XPNPEP1: variants seen among roughly 807,000 people sequenced by gnomAD.
The protein encoded by XPNPEP1 is xaa-Pro aminopeptidase 1.
Under a neutral mutation model 92.4 loss-of-function variants are expected in XPNPEP1, and 39 were observed. The observed-to-expected ratio is 0.42, with a 90% CI of 0.33 to 0.55. The LOEUF is 0.55. Among genes scored for constraint, XPNPEP1 ranks in the 20% least tolerant of loss-of-function variants. The pLI is 0.08. For missense variants in XPNPEP1, 654 were observed against 856.1 expected, an observed-to-expected ratio of 0.76 and a Z score of 2.95; for synonymous variants, 307 against 299.4, an observed-to-expected ratio of 1.03 and a Z score of -0.26.
At chr10:109,915,385 A>G (rs1159687522) in intron 1 of XPNPEP1, among the ~76,000 whole-genome samples, 2 of 152,148 alleles carry the variant, frequency 1.3e-5, no homozygotes, top group Non-Finnish European at 2.9e-5. Flanking sequence ...TTTTCCTTAC[A>G]CAAGTTCTAT....
chr10:109,899,922 C>T (rs764834061), intron 3 of XPNPEP1, among the ~76,000 whole-genome samples: 1 of 152,202 alleles, frequency 6.6e-6, no homozygotes, highest in Non-Finnish European at 1.5e-5. Context: ...CCACGAATCC[C>T]AATATACGAC....
At chr10:109,872,846 G>A (rs1283018980) in intron 16 of XPNPEP1, among the ~76,000 whole-genome samples, 1 of 152,172 alleles carries the variant, frequency 6.6e-6, no homozygotes, top group Non-Finnish European at 1.5e-5. Context: ...GCTAGTAAAT[G>A]GCACAGAAGC....
intron 17 of XPNPEP1, among the ~76,000 whole-genome samples, chr10:109,871,288 T>C (rs1564745598): frequency 6.6e-6 from 1 of 152,064 alleles, no homozygotes; most frequent in Non-Finnish European, 1.5e-5. Context: ...CCTAGGGAGA[T>C]GAGTACATGT....
intron 6 of XPNPEP1, 111 bp downstream of exon 6, chr10:109,888,392 C>T: frequency 7.9e-7 from 1 of 1,268,992 alleles, no homozygotes; most frequent in Non-Finnish European, 1.1e-6. Flanking sequence ...ACTATAAAAT[C>T]AGTCATGCTG....
chr10:109,913,163 C>G (rs758943628), intron 2 of XPNPEP1, among the ~76,000 whole-genome samples: 1 of 152,242 alleles, frequency 6.6e-6, no homozygotes, highest in Non-Finnish European at 1.5e-5. Context: ...CTTGCATATA[C>G]AGGTCTGCTT....
At chr10:109,897,324 A>G (rs1389583995) in intron 3 of XPNPEP1, among the ~76,000 whole-genome samples, 1 of 151,736 alleles carries the variant, frequency 6.6e-6, no homozygotes, top group Non-Finnish European at 1.5e-5. Context: ...TCCCTTTTCC[A>G]TGAAGCTTCC....
rs565503742 is a variant in XPNPEP1 at position 109,880,850 on chromosome 10, G to T, written c.1123C>A (p.Arg375=). 4.3e-6 allele frequency: 7 copies of T among 1,613,876 alleles called. No homozygotes were observed. The highest frequency in any genetic ancestry group is 2.7e-5 in the African/African-American group (2 of 74,998). The change falls in exon 11 of 21, where the codon CGG becomes AGG. Residue 375 remains arginine, a synonymous_variant. Coordinates refer to ENST00000502935, the MANE Select transcript of XPNPEP1 (RefSeq NM_020383.4). ...KNSAESEGMR[R]AHIKDAVALC... is the part of the protein sequence containing the mutation. ...CCAGCTCCTCTACTCACGTGAGCCC[G>T]CCTCATGCCTTCTGACTCAGCTGAA... is the stretch of plus-strand genomic sequence containing the variant.
In XPNPEP1 at chr10:109,880,217, A is replaced by T. The variant is rs779053540; in HGVS notation, c.1153T>A (p.Cys385Ser). ...RAHIKDAVAL[C>S]ELFNWLEKEV... is the part of the protein sequence containing the mutation. ...TTCTCCAGCCAGTTAAAGAGTTCAC[A>T]GAGAGCAACAGCATCTTTAATCTGT... Residue 385 changes from cysteine to serine, a missense_variant, in exon 12 of 21, where the codon TGT becomes AGT. By Grantham distance (112) the Cys-to-Ser change is moderately radical (BLOSUM62 -1). Transcript: ENST00000502935. The T allele has an allele frequency of 4.3e-6, 7 of 1,614,070 alleles. No individual in the cohort carries two copies. Among genetic ancestry groups the T allele is most frequent in the Middle Eastern group, 1.6e-4 (1 of 6,062 alleles).
chr10:109,869,757 T>C (rs1847344526), intron 19 of XPNPEP1, 196 bp downstream of exon 19: 1 of 518,052 alleles, frequency 1.9e-6, no homozygotes, highest in Non-Finnish European at 3.4e-6. Flanking sequence ...GTCCCTGATA[T>C]CTGGAGAAGA....
intron 11 of XPNPEP1, 106 bp downstream of exon 11, chr10:109,880,736 A>G (rs1848045764): frequency 6.4e-6 from 7 of 1,093,404 alleles, no homozygotes; most frequent in African/African-American, 1.6e-5. Context: ...GCTGAGGCTC[A>G]GAGAGATTCT....
At chr10:109,910,706 T>C (rs1849821391) in intron 2 of XPNPEP1, among the ~76,000 whole-genome samples, 1 of 152,234 alleles carries the variant, frequency 6.6e-6, no homozygotes, top group Admixed American at 6.5e-5. Context: ...CAGGTTCTGG[T>C]AATCATGAAT....
In XPNPEP1 at chr10:109,886,209, G is replaced by A. The variant is rs141647908; in HGVS notation, c.748+37C>T. 1,105 of 1,603,228 alleles carry A rather than the reference G, an allele frequency of 6.9e-4. 8 individuals carry two copies. In the African/African-American group the frequency reaches 0.012, roughly 17 times the overall value. ...TACCCAGAGACCCAAAGGAGAGATC[G>A]GGTAACATGCCCAAACAGCGAAACC... is the stretch of plus-strand genomic sequence containing the variant. On this transcript the variant is annotated intron_variant, in intron 8 of 20. Transcript: ENST00000502935.
rs747807365 is a variant in XPNPEP1, at chr10:109,888,548, G to A, written c.463C>T (p.Pro155Ser). 1.2e-6 allele frequency: 2 copies of A among 1,611,946 alleles called. No individual in the cohort carries two copies. The highest frequency in any genetic ancestry group is 2.2e-5 in the East Asian group (1 of 44,806). ...TCCACACCAACCCTGGATCCTTCAG[G>A]AAGCACACTCACCAGCCAGTCTTCC... The part of the protein sequence containing the change: ...TQEDWLVSVL[P>S]EGSRVGVDPL... The change falls in exon 6 of 21, where the codon CCT becomes TCT. Residue 155 changes from proline (P) to serine (S), a missense_variant. Physicochemically the swap from Pro to Ser is moderately conservative, Grantham distance 74. Coordinates refer to ENST00000502935, the MANE Select transcript of XPNPEP1 (RefSeq NM_020383.4).
intron 20 of XPNPEP1, 133 bp from the exon 21 acceptor site, chr10:109,865,445 T>A: frequency 1.7e-6 from 2 of 1,166,720 alleles, no homozygotes; most frequent in Non-Finnish European, 2.4e-6. Flanking sequence ...CCCTTTCTCC[T>A]TACTCACAGG....
chr10:109,896,489 T>C (rs1487367121), intron 3 of XPNPEP1, among the ~76,000 whole-genome samples: 1 of 150,964 alleles, frequency 6.6e-6, no homozygotes, highest in African/African-American at 2.4e-5. Flanking sequence ...AGGCTGGCCT[T>C]GAACTTCTGG....
intron 7 of XPNPEP1, among the ~76,000 whole-genome samples, chr10:109,887,653 G>C (rs566840119): frequency 6.6e-6 from 1 of 152,198 alleles, no homozygotes; most frequent in Non-Finnish European, 1.5e-5. Context: ...GTACAAGATG[G>C]AGGACAAAGG....
intron 1 of XPNPEP1, among the ~76,000 whole-genome samples, chr10:109,917,973 C>T (rs1850281088): frequency 6.6e-6 from 1 of 152,054 alleles, no homozygotes; most frequent in East Asian, 1.9e-4. Flanking sequence ...ATTAGTCAGG[C>T]ATGGTGGTGT....
rs563778658 is a variant in XPNPEP1, at chr10:109,888,485, G to A, written c.508+18C>T. 190 of 1,596,864 alleles carry A rather than the reference G, an allele frequency of 1.2e-4. No individual in the cohort carries two copies. In the East Asian group the frequency reaches 3.3e-3, roughly 28 times the overall value. On this transcript the variant is annotated intron_variant, in intron 6 of 20. Coordinates refer to ENST00000502935, the MANE Select transcript of XPNPEP1 (RefSeq NM_020383.4). ...AGCCACTTCCTTACCCAAGCAGAAAGGGACCAAGCTCACTTACCTGTAGGA... is the reference window on the plus strand; with the variant it reads ...AGCCACTTCCTTACCCAAGCAGAAAAGGACCAAGCTCACTTACCTGTAGGA...
At chr10:109,912,067 C>T (rs150403144) in intron 2 of XPNPEP1, among the ~76,000 whole-genome samples, 9 of 152,296 alleles carry the variant, frequency 5.9e-5, no homozygotes, top group African/African-American at 1.9e-4. Context: ...CTCCTCATTC[C>T]CACATTCTGA....
Sources: gnomAD v4.1 joint callset for allele counts (sites outside exome capture counted in the v4.1 genomes callset) on GRCh38, gnomAD v4.1.1 for gene constraint, MANE v1.5 for transcripts, NCBI Gene and HGNC (gene_info 2026-07-23, HGNC 2026-07-21) for gene names.